Variants in CNOT4 observed in about 807,000 individuals in gnomAD.
CNOT4 encodes the protein CCR4-associated factor 4.
A neutral mutation model predicts 73.8 loss-of-function variants in CNOT4; 8 were observed. That is an observed-to-expected ratio of 0.11 (90% confidence interval 0.06 to 0.20). The LOEUF is 0.20. Among genes scored for constraint, CNOT4 ranks in the 10% least tolerant of loss-of-function variants. The pLI, the probability that CNOT4 is intolerant of heterozygous loss-of-function variation, is 1.00. For missense variants in CNOT4, 564 were observed against 883.4 expected (o/e 0.64, Z 4.58); for synonymous variants, 293 against 321.1 (o/e 0.91, Z 0.94).
intron 1 of CNOT4, among the ~76,000 whole-genome samples, chr7:135,443,188 CAA>C (rs61062618): frequency 3.0e-3 from 403 of 133,904 alleles, no homozygotes; most frequent in African/African-American, 5.5e-3. Flanking sequence ...CTATCTCTAC[CAA>C]AAAAAAAAAA....
At chr7:135,389,250 T>C (rs1796279143) in intron 10 of CNOT4, among the ~76,000 whole-genome samples, 1 of 150,004 alleles carries the variant, frequency 6.7e-6, no homozygotes, top group South Asian at 2.1e-4. Flanking sequence ...TAAATATTAA[T>C]AGTATTTTGT....
intron 1 of CNOT4, among the ~76,000 whole-genome samples, chr7:135,494,031 T>G (rs554518596): frequency 6.9e-6 from 1 of 144,418 alleles, no homozygotes; most frequent in African/African-American, 2.6e-5. Flanking sequence ...ATTAAACAAA[T>G]GGGTTTCCCA....
chr7:135,371,931 G>C (rs1795224510), intron 10 of CNOT4, among the ~76,000 whole-genome samples: 2 of 152,168 alleles, frequency 1.3e-5, no homozygotes, highest in Admixed American at 1.3e-4. Context: ...AGCCTGGAGG[G>C]AAGCATTTAA....
chr7:135,449,311 G>C (rs1019431467), intron 1 of CNOT4, among the ~76,000 whole-genome samples: 2 of 152,142 alleles, frequency 1.3e-5, no homozygotes, highest in Non-Finnish European at 2.9e-5. Context: ...TTTGACCTCG[G>C]AAGAGTCTAC....
intron 1 of CNOT4, among the ~76,000 whole-genome samples, chr7:135,494,799 GT>G (rs1365782394): frequency 6.6e-6 from 1 of 152,138 alleles, no homozygotes; most frequent in Non-Finnish European, 1.5e-5. Context: ...GACATCCAAA[GT>G]TTTCTCCAAT....
At chr7:135,508,531 A>T (rs1804522308) in intron 1 of CNOT4, among the ~76,000 whole-genome samples, 2 of 152,238 alleles carry the variant, frequency 1.3e-5, no homozygotes, top group Admixed American at 1.3e-4. Context: ...TACATAACTA[A>T]TGGATTTTCA....
chr7:135,494,226 T>A (rs967483616), intron 1 of CNOT4, among the ~76,000 whole-genome samples: 40 of 152,112 alleles, frequency 2.6e-4, no homozygotes, highest in African/African-American at 8.7e-4. Flanking sequence ...TCCCAGCACT[T>A]TGGGAGGCCA....
At chr7:135,470,172 G>A (rs1308944778) in intron 1 of CNOT4, among the ~76,000 whole-genome samples, 1 of 151,352 alleles carries the variant, frequency 6.6e-6, no homozygotes, top group African/African-American at 2.4e-5. Flanking sequence ...TGTCACCCAG[G>A]CACAGCAACT....
At chr7:135,377,632 A>G (rs1343606312) in intron 10 of CNOT4, among the ~76,000 whole-genome samples, 1 of 152,208 alleles carries the variant, frequency 6.6e-6, no homozygotes, top group Non-Finnish European at 1.5e-5. Flanking sequence ...TCTTTTCCAG[A>G]CCTATACATA....
rs1801575273 is a variant in CNOT4, at chr7:135,471,551, G to A, written c.-92-33128C>T. Among the ~76,000 whole-genome samples the A allele has an allele frequency of 2.6e-5, 4 of 152,256 alleles. No individual in the cohort carries two copies. In the South Asian group the frequency reaches 8.3e-4, roughly 32 times the overall value. The stretch of plus-strand genomic sequence containing the variant: ...ATCTGATAAAATTATGTTTTGGGAA[G>A]CAAGATTATCAAGACATAAAATTAT... On this transcript the variant is annotated intron_variant, in intron 1 of 11. Coordinates refer to ENST00000541284, the MANE Select transcript of CNOT4 (RefSeq NM_001190850.2).
chr7:135,391,967 T>C (rs191394192), intron 10 of CNOT4, among the ~76,000 whole-genome samples: 126 of 152,164 alleles, frequency 8.3e-4, no homozygotes, highest in African/African-American at 2.8e-3. Context: ...TTCTCATCCA[T>C]TATATCTATA....
At chr7:135,433,427 G>A (rs1352850929) in intron 2 of CNOT4, among the ~76,000 whole-genome samples, 1 of 147,898 alleles carries the variant, frequency 6.8e-6, no homozygotes, top group East Asian at 2.0e-4. Context: ...CATGAACATG[G>A]CTCACTGTAG....
intron 1 of CNOT4, among the ~76,000 whole-genome samples, chr7:135,440,752 C>G (rs891056855): frequency 3.3e-5 from 5 of 152,086 alleles, no homozygotes; most frequent in Non-Finnish European, 1.5e-5. Flanking sequence ...AATCCCGTCT[C>G]TACTAAAAAT....
At chr7:135,487,409 T>A (rs1057121170) in intron 1 of CNOT4, among the ~76,000 whole-genome samples, 1 of 151,896 alleles carries the variant, frequency 6.6e-6, no homozygotes, top group East Asian at 1.9e-4. Context: ...AATTTTTTTT[T>A]GTAAATTTTT....
At chr7:135,384,864 T>C (rs1007056421) in intron 10 of CNOT4, 2 of 656,870 alleles carry the variant, frequency 3.0e-6, no homozygotes, top group South Asian at 1.7e-5. Context: ...TAGTCAATGA[T>C]TGCTGCATAC....
At chr7:135,405,203 C>T (rs956018269) in intron 7 of CNOT4, among the ~76,000 whole-genome samples, 1 of 152,104 alleles carries the variant, frequency 6.6e-6, no homozygotes, top group African/African-American at 2.4e-5. Context: ...ACAATATATA[C>T]CACACAGGCC....
intron 7 of CNOT4, among the ~76,000 whole-genome samples, chr7:135,408,351 A>T (rs1454175063): frequency 6.6e-6 from 1 of 152,200 alleles, no homozygotes; most frequent in African/African-American, 2.4e-5. Flanking sequence ...ATTATTCATA[A>T]TAATATGTAT....
At position 135,410,515 on chromosome 7, in the gene CNOT4, G is replaced by T; in HGVS notation, c.821C>A (p.Thr274Asn). The T allele has an allele frequency of 6.7e-7, 1 of 1,503,024 alleles. No homozygotes were observed. The highest frequency in any genetic ancestry group is 9.0e-7 in the Non-Finnish European group (1 of 1,115,480). The allele number at this position is 1,503,024 out of a possible 1,614,324, so 93.1% of individuals were successfully genotyped here. ...NKVTPLQRYD[T>N]PIDKPSDSLS... is the part of the protein sequence containing the mutation. ...TCTGACTATCAATATCAATACTTACGTATCGTACCTCTGCAGTGGTGTCAC... is the reference window on the plus strand; with the variant it reads ...TCTGACTATCAATATCAATACTTACTTATCGTACCTCTGCAGTGGTGTCAC... Residue 274 changes from threonine to asparagine, a missense_variant and splice_region_variant, in exon 7 of 12, where the codon ACC becomes AAC. This residue lies in a region of CNOT4 where 135 missense variants were observed against 154.0 expected (regional missense o/e 0.88). Coordinates refer to ENST00000541284, the MANE Select transcript of CNOT4 (RefSeq NM_001190850.2).
intron 1 of CNOT4, among the ~76,000 whole-genome samples, chr7:135,443,339 G>T (rs1378794045): frequency 1.3e-5 from 2 of 151,044 alleles, no homozygotes; most frequent in Admixed American, 6.6e-5. Flanking sequence ...TGGGCAACAG[G>T]GCAAGATCCT....
Sources: gnomAD v4.1 joint callset for allele counts (sites outside exome capture counted in the v4.1 genomes callset) on GRCh38, gnomAD v4.1.1 for gene constraint, gnomAD v4.1.1 regional missense constraint, MANE v1.5 for transcripts, NCBI Gene and HGNC (gene_info 2026-07-23, HGNC 2026-07-21) for gene names.